ERC1: variants seen among roughly 807,000 people sequenced by gnomAD.
The protein encoded by ERC1 is RAB6 interacting protein 2.
A neutral mutation model predicts 132.0 loss-of-function variants in ERC1; 56 were observed. The observed-to-expected ratio is 0.42, with a 90% CI of 0.34 to 0.53. The LOEUF is 0.53. Ranked by LOEUF, ERC1 falls within the 20% of genes least tolerant of loss-of-function variation. The probability of loss-of-function intolerance (pLI) is 0.03; values close to 1 mark genes in which losing one functional copy is unlikely to be tolerated. For synonymous variants in ERC1, 478 were observed against 476.1 expected (o/e 1.00, Z -0.05); for missense variants, 1,202 against 1,349.9 (o/e 0.89, Z 1.72).
At chr12:1,053,285 G>A (rs1337191536) in intron 2 of ERC1, among the ~76,000 whole-genome samples, 1 of 152,164 alleles carries the variant, frequency 6.6e-6, no homozygotes, top group East Asian at 1.9e-4. Flanking sequence ...CTGTCAACTT[G>A]ACTATGGAAC....
At chr12:1,374,640 C>T (rs150338221) in intron 16 of ERC1, among the ~76,000 whole-genome samples, 87 of 152,298 alleles carry the variant, frequency 5.7e-4, no homozygotes, top group African/African-American at 2.0e-3. Context: ...AGCATTAATA[C>T]AATCTGTTTA....
chr12:1,228,103 T>C (rs1482484104), intron 12 of ERC1, among the ~76,000 whole-genome samples: 1 of 152,220 alleles, frequency 6.6e-6, no homozygotes, highest in Non-Finnish European at 1.5e-5. Context: ...TTCTTCTTAC[T>C]CACAATTGGC....
At chr12:1,488,200 C>G (rs2094269102) in intron 18 of ERC1, among the ~76,000 whole-genome samples, 1 of 151,018 alleles carries the variant, frequency 6.6e-6, no homozygotes. Flanking sequence ...AGGCTGGACT[C>G]AAACTCCTGG....
chr12:1,168,343 CA>C (rs933310434), intron 8 of ERC1, among the ~76,000 whole-genome samples: 11 of 152,012 alleles, frequency 7.2e-5, no homozygotes, highest in African/African-American at 2.7e-4. Context: ...AGGCTAGTCT[CA>C]AACTCCTGGG....
At chr12:1,165,308 AT>A (rs751438062) in intron 8 of ERC1, among the ~76,000 whole-genome samples, 514 of 143,480 alleles carry the variant, frequency 3.6e-3, no homozygotes, top group Middle Eastern at 7.1e-3. Flanking sequence ...ATGCAGGAGA[AT>A]TTTTTTTTTT....
intron 16 of ERC1, among the ~76,000 whole-genome samples, chr12:1,384,879 A>C (rs922381981): frequency 1.3e-5 from 2 of 152,214 alleles, no homozygotes; most frequent in Non-Finnish European, 2.9e-5. Flanking sequence ...ATTACAACCT[A>C]CTAATGGTTA....
intron 17 of ERC1, among the ~76,000 whole-genome samples, chr12:1,417,623 A>C (rs2092181374): frequency 6.6e-6 from 1 of 152,048 alleles, no homozygotes; most frequent in Admixed American, 6.6e-5. Flanking sequence ...TCTACTAAAA[A>C]TATAAAAATT....
intron 12 of ERC1, among the ~76,000 whole-genome samples, chr12:1,231,684 T>TC (rs58515815): frequency 2.7e-5 from 4 of 148,534 alleles, no homozygotes; most frequent in African/African-American, 9.8e-5. Flanking sequence ...TTTTTTTTTT[T>TC]CCCTCTGATG....
intron 12 of ERC1, chr12:1,204,063 G>A (rs2154286717): frequency 6.4e-6 from 1 of 155,296 alleles, no homozygotes; most frequent in East Asian, 1.9e-4. Context: ...TTCTCTTAAT[G>A]GAATGGGGTG....
chr12:1,275,049 G>A (rs962967527), intron 14 of ERC1, among the ~76,000 whole-genome samples: 1 of 152,180 alleles, frequency 6.6e-6, no homozygotes, highest in Non-Finnish European at 1.5e-5. Context: ...TGAATGGATG[G>A]TGTGGCATGA....
In ERC1 at chr12:1,494,952, G is replaced by A. The variant is rs1395610016; in HGVS notation, c.*4722G>A. On this transcript the variant is annotated 3_prime_UTR_variant, in exon 19 of 19. Transcript: ENST00000360905. ...GCTTAGGAAGCATGGAGCACACTTA[G>A]GGTAGTGCCTGCCTGGGCAAGAGAC... 6 of 230,920 alleles carry A rather than the reference G, an allele frequency of 2.6e-5. No homozygotes were observed. The highest frequency in any genetic ancestry group is 5.1e-5 in the Non-Finnish European group (6 of 116,658). The allele number at this position is 230,920 out of a possible 1,614,324, so 14.3% of individuals were successfully genotyped here.
intron 11 of ERC1, among the ~76,000 whole-genome samples, chr12:1,184,114 C>A (rs1365285777): frequency 7.3e-6 from 1 of 137,480 alleles, no homozygotes; most frequent in East Asian, 2.1e-4. Flanking sequence ...CCAGCCTGGG[C>A]GACAGAGCAA....
At position 1,182,072 on chromosome 12, in the gene ERC1, C is replaced by T. The variant is rs756394022; in HGVS notation, c.2016+7C>T. On this transcript the variant is annotated splice_region_variant and intron_variant, in intron 10 of 18. Coordinates refer to ENST00000360905, the MANE Select transcript of ERC1 (RefSeq NM_178040.4). ...CGACCTTTCAGAGAAAGAGGTTAAG[C>T]TCCCCAAAATGGAATTAGTTTGTTT... 4 of 1,612,634 alleles carry T rather than the reference C, an allele frequency of 2.5e-6. No homozygotes were observed. Among genetic ancestry groups the T allele is most frequent in the Admixed American group, 3.3e-5 (2 of 59,806 alleles).
rs866403962 is a variant in ERC1 at position 1,243,044 on chromosome 12, A to G, written c.2487+6140A>G. Among the ~76,000 whole-genome samples, 234 of 150,832 alleles carry G rather than the reference A, an allele frequency of 1.6e-3. 1 individual carries two copies. The highest frequency in any genetic ancestry group is 6.8e-3 in the Middle Eastern group (2 of 292). On this transcript the variant is annotated intron_variant, in intron 13 of 18. Coordinates refer to ENST00000360905, the MANE Select transcript of ERC1 (RefSeq NM_178040.4). ...CTACTAAAAATACAAAAAATTAGCC[A>G]GGCGCGGTGGCGGGCGCCTGTAGTC...
At chr12:1,000,499 A>G (rs1565748772) in intron 1 of ERC1, among the ~76,000 whole-genome samples, 1 of 151,976 alleles carries the variant, frequency 6.6e-6, no homozygotes, top group Admixed American at 6.6e-5. Flanking sequence ...AAAAAAAAAA[A>G]AAATAACCCA....
In ERC1 at chr12:1,232,835, G is replaced by A. The variant is rs2075143311; in HGVS notation, c.2352-3934G>A. Among the ~76,000 whole-genome samples the A allele has an allele frequency of 2.0e-5, 3 of 151,722 alleles. No homozygotes were observed. In the South Asian group the frequency reaches 6.2e-4, roughly 32 times the overall value. ...TCCATTCCTTTGTGATCAGTCATAA[G>A]GGCTTTATTGGTTTACTTCGGTGAT... On this transcript the variant is annotated intron_variant, in intron 12 of 18. Coordinates refer to ENST00000360905, the MANE Select transcript of ERC1 (RefSeq NM_178040.4).
chr12:1,491,352 TAA>T lies in ERC1; in HGVS notation c.*1124_*1125del, dbSNP rs1171586665. 8.7e-6 allele frequency: 2 copies of T among 231,076 alleles called. No homozygotes were observed. The highest frequency in any genetic ancestry group is 1.7e-5 in the Non-Finnish European group (2 of 116,766). 14.3% of individuals were successfully genotyped at this position (231,076 alleles called of 1,614,324 possible). A position where few individuals can be genotyped will look rare whatever the true frequency, so the allele number is the denominator to read the frequency against. ...CATTGCCTGGAACCTTCTTCTAGCATAAATGAAGGTTTTTCCTCCTACACACA... is the reference window on the plus strand; with the variant it reads ...CATTGCCTGGAACCTTCTTCTAGCATATGAAGGTTTTTCCTCCTACACACA... On this transcript the variant is annotated 3_prime_UTR_variant, in exon 19 of 19. Transcript: ENST00000360905.
At chr12:1,038,245 T>C (rs1193453592) in intron 2 of ERC1, among the ~76,000 whole-genome samples, 1 of 152,106 alleles carries the variant, frequency 6.6e-6, no homozygotes, top group African/African-American at 2.4e-5. Flanking sequence ...GAGAAACATT[T>C]AGGGAGTTTA....
chr12:1,074,918 C>A (rs17694207), intron 2 of ERC1, among the ~76,000 whole-genome samples: 34,450 of 151,684 alleles, frequency 0.23, 4,316 homozygotes, highest in Middle Eastern at 0.28. Flanking sequence ...TAATCCATCC[C>A]TTTGAGTTCT....
Sources: gnomAD v4.1 joint callset for allele counts (sites outside exome capture counted in the v4.1 genomes callset) on GRCh38, gnomAD v4.1.1 for gene constraint, MANE v1.5 for transcripts, NCBI Gene and HGNC (gene_info 2026-07-23, HGNC 2026-07-21) for gene names.